The following CTNNBL1 variants were observed in gnomAD, a reference collection of about 807,000 sequenced individuals.
CTNNBL1 encodes beta-catenin-like protein 1.
A neutral mutation model predicts 72.7 loss-of-function variants in CTNNBL1; 31 were observed. The observed-to-expected ratio is 0.43, with a 90% CI of 0.32 to 0.58. The LOEUF is 0.58. Among genes scored for constraint, CTNNBL1 ranks in the 20% least tolerant of loss-of-function variants. CTNNBL1 has a pLI of 0.08. For synonymous variants in CTNNBL1, 240 were observed against 267.3 expected (o/e 0.90, Z 1.00); for missense variants, 534 against 725.1 (o/e 0.74, Z 3.03).
intron 13 of CTNNBL1, among the ~76,000 whole-genome samples, chr20:37,850,613 A>G (rs2072388082): frequency 8.5e-5 from 2 of 23,524 alleles, no homozygotes. Context: ...TGCAGTTTCT[A>G]GGATTCTTCT....
At chr20:37,805,080 G>A (rs1038397456) in intron 11 of CTNNBL1, among the ~76,000 whole-genome samples, 1 of 152,250 alleles carries the variant, frequency 6.6e-6, no homozygotes, top group South Asian at 2.1e-4. Flanking sequence ...ACCGGCCTTC[G>A]GCCATGAATG....
chr20:37,741,053 T>A (rs1311985003), intron 3 of CTNNBL1, among the ~76,000 whole-genome samples: 1 of 152,342 alleles, frequency 6.6e-6, no homozygotes, highest in East Asian at 1.9e-4. Flanking sequence ...TGAAGGAGAA[T>A]ATCCTGCTGG....
intron 11 of CTNNBL1, among the ~76,000 whole-genome samples, chr20:37,820,093 T>C (rs1400289903): frequency 6.6e-6 from 1 of 151,950 alleles, no homozygotes; most frequent in Non-Finnish European, 1.5e-5. Flanking sequence ...GCCAGGCTGG[T>C]CTTGAACTCT....
intron 15 of CTNNBL1, among the ~76,000 whole-genome samples, chr20:37,867,977 T>C (rs1334933550): frequency 6.6e-6 from 1 of 152,166 alleles, no homozygotes; most frequent in African/African-American, 2.4e-5. Context: ...CGGACCTGGT[T>C]CTGGGCCTGG....
intron 2 of CTNNBL1, among the ~76,000 whole-genome samples, chr20:37,736,862 A>G (rs2073175590): frequency 6.6e-6 from 1 of 152,164 alleles, no homozygotes. Flanking sequence ...TGAGACACCC[A>G]ATGTGATATA....
intron 7 of CTNNBL1, among the ~76,000 whole-genome samples, chr20:37,768,578 T>C (rs867382560): frequency 2.0e-5 from 3 of 152,238 alleles, no homozygotes; most frequent in Non-Finnish European, 2.9e-5. Context: ...AGTCCCCTCT[T>C]ATCTGTGGTT....
intron 13 of CTNNBL1, among the ~76,000 whole-genome samples, chr20:37,852,433 C>T (rs755798833): frequency 5.3e-5 from 8 of 152,174 alleles, no homozygotes; most frequent in Non-Finnish European, 1.2e-4. Context: ...AAAGGATGAG[C>T]TAATCATCAG....
intron 11 of CTNNBL1, 48 bp downstream of exon 11, chr20:37,803,096 A>T: frequency 1.3e-6 from 2 of 1,545,604 alleles, no homozygotes; most frequent in Non-Finnish European, 1.8e-6. Flanking sequence ...ATTAGGAGAA[A>T]TAGGGAAATG....
chr20:37,856,319 G>A (rs1443562058), intron 13 of CTNNBL1, among the ~76,000 whole-genome samples: 1 of 152,086 alleles, frequency 6.6e-6, no homozygotes, highest in Non-Finnish European at 1.5e-5. Flanking sequence ...AAGAGGCACA[G>A]ATCTGAATGG....
intron 1 of CTNNBL1, among the ~76,000 whole-genome samples, chr20:37,704,835 C>G (rs2072872095): frequency 6.6e-6 from 1 of 152,164 alleles, no homozygotes; most frequent in African/African-American, 2.4e-5. Flanking sequence ...GTTCTTCAGT[C>G]ATAGACTTCA....
At chr20:37,756,004 A>G (rs767745334) in intron 4 of CTNNBL1, among the ~76,000 whole-genome samples, 2 of 151,800 alleles carry the variant, frequency 1.3e-5, no homozygotes, top group African/African-American at 2.4e-5. Context: ...CTCTCCTCCA[A>G]TCCTTTCTTC....
rs560019933 is a variant in CTNNBL1 at position 37,826,911 on chromosome 20, C to G, written c.1214-13191C>G. Among the ~76,000 whole-genome samples the G allele has an allele frequency of 2.6e-5, 4 of 152,276 alleles. No individual in the cohort carries two copies. In the East Asian group the frequency reaches 7.7e-4, roughly 29 times the overall value. On this transcript the variant is annotated intron_variant, in intron 11 of 15. Transcript: ENST00000361383. ...GTAAAATGCATGGCTCTTGAGTGCA[C>G]CATTTGAGTGATGATAAATACAAAC...
chr20:37,848,929 C>G (rs201564015), intron 13 of CTNNBL1, among the ~76,000 whole-genome samples: 1 of 152,202 alleles, frequency 6.6e-6, no homozygotes, highest in African/African-American at 2.4e-5. Flanking sequence ...TCTGACTTAG[C>G]GAGTCCAAAA....
intron 9 of CTNNBL1, among the ~76,000 whole-genome samples, chr20:37,778,956 C>T (rs1295346686): frequency 2.0e-5 from 3 of 150,166 alleles, no homozygotes; most frequent in East Asian, 1.9e-4. Context: ...CTGTCAATTA[C>T]TGATGGACCC....
At chr20:37,820,699 A>G (rs2072099585) in intron 11 of CTNNBL1, among the ~76,000 whole-genome samples, 2 of 152,118 alleles carry the variant, frequency 1.3e-5, no homozygotes, top group Non-Finnish European at 2.9e-5. Flanking sequence ...CTTGTGAAGA[A>G]GGTGCTTGCT....
intron 13 of CTNNBL1, among the ~76,000 whole-genome samples, chr20:37,853,152 G>C (rs926700124): frequency 1.3e-5 from 2 of 152,152 alleles, no homozygotes; most frequent in African/African-American, 2.4e-5. Flanking sequence ...AAGGAGGTTG[G>C]GCTGCAGGTA....
At chr20:37,764,351 C>T (rs1029982830) in intron 5 of CTNNBL1, among the ~76,000 whole-genome samples, 2 of 152,246 alleles carry the variant, frequency 1.3e-5, no homozygotes, top group Non-Finnish European at 2.9e-5. Context: ...CTTGGTGTGC[C>T]TCAGGGCTAC....
chr20:37,694,608 G>A (rs2072774258), intron 1 of CTNNBL1, among the ~76,000 whole-genome samples: 1 of 152,154 alleles, frequency 6.6e-6, no homozygotes, highest in Non-Finnish European at 1.5e-5. Flanking sequence ...TATCTATATA[G>A]TGGAGACACT....
intron 13 of CTNNBL1, among the ~76,000 whole-genome samples, chr20:37,849,885 T>G (rs952043839): frequency 3.9e-5 from 6 of 152,246 alleles, no homozygotes; most frequent in African/African-American, 1.4e-4. Flanking sequence ...AGAATAACAG[T>G]ACCTATCATG....
Sources: allele counts gnomAD v4.1 joint callset (sites outside exome capture counted in the v4.1 genomes callset), GRCh38; gene constraint gnomAD v4.1.1; transcripts MANE v1.5; gene names NCBI Gene and HGNC (gene_info 2026-07-23, HGNC 2026-07-21).